CPNE5: variants seen among roughly 807,000 people sequenced by gnomAD.
CPNE5 encodes copine-5.
In CPNE5, 42 loss-of-function variants were observed where a neutral mutation model predicts 81.1. The observed-to-expected ratio is 0.52, with a 90% CI of 0.40 to 0.67. The LOEUF (loss-of-function observed/expected upper bound fraction) is 0.67, where lower values mean the gene tolerates loss of function less well. CPNE5 is among the 30% of genes least tolerant of loss of function. CPNE5 has a pLI of 0.00. For synonymous variants in CPNE5, 313 were observed against 321.5 expected (o/e 0.97, Z 0.28); for missense variants, 612 against 815.5 (o/e 0.75, Z 3.04).
chr6:36,755,953 G>T, intron 13 of CPNE5: 1 of 472,194 alleles, frequency 2.1e-6, no homozygotes. Context: ...CAGGGTAGGG[G>T]CCCAATAAAT....
In CPNE5 at chr6:36,746,418, C is replaced by G; in HGVS notation, c.1178G>C (p.Arg393Thr). ...TACCAGTGGGAACTCGTGGGACACTCTGCCATCCGGGGGCAGCTTGGCCCC... is the reference window on the plus strand; with the variant it reads ...TACCAGTGGGAACTCGTGGGACACTGTGCCATCCGGGGGCAGCTTGGCCCC... ...GFGAKLPPDG[R>T]VSHEFPLNGN... is the part of the protein sequence containing the mutation. The change falls in exon 16 of 21, where the codon AGA (arginine) becomes ACA (threonine). Residue 393 changes from arginine to threonine, a missense_variant. Arg to Thr is a moderately conservative substitution (Grantham distance 71, BLOSUM62 -1). Transcript: ENST00000244751. This position sits in a 1 kb window ranked among gnomAD's most constrained non-coding sequence, Gnocchi z 4.5. 6.2e-7 allele frequency: 1 copy of G among 1,612,746 alleles called. No homozygotes were observed. Among genetic ancestry groups the G allele is most frequent in the Non-Finnish European group, 8.5e-7 (1 of 1,179,372 alleles).
At chr6:36,802,437 T>C (rs1214715274) in intron 3 of CPNE5, among the ~76,000 whole-genome samples, 2 of 151,754 alleles carry the variant, frequency 1.3e-5, no homozygotes, top group East Asian at 1.9e-4. Flanking sequence ...GCTTGGGCAA[T>C]AGAGAGAGAC....
chr6:36,819,393 T>C (rs686399), intron 3 of CPNE5, among the ~76,000 whole-genome samples: 88,699 of 151,920 alleles, frequency 0.58, 26,708 homozygotes, highest in African/African-American at 0.72. Flanking sequence ...AGCCACGGCG[T>C]CTGGCCCCCA....
chr6:36,838,060 A>T (rs1049242437), intron 1 of CPNE5, among the ~76,000 whole-genome samples: 40 of 152,270 alleles, frequency 2.6e-4, no homozygotes, highest in African/African-American at 9.6e-4. Flanking sequence ...ACGTTCAACC[A>T]GACTAGCCTT....
At chr6:36,798,310 C>A in intron 5 of CPNE5, 69 bp from the exon 6 acceptor site, 1 of 1,530,576 alleles carries the variant, frequency 6.5e-7, no homozygotes, top group Non-Finnish European at 9.0e-7. Context: ...CCTCCCCCAT[C>A]GCCCAATTCC....
intron 7 of CPNE5, among the ~76,000 whole-genome samples, chr6:36,792,669 G>A (rs761964242): frequency 9.2e-5 from 14 of 152,262 alleles, no homozygotes; most frequent in African/African-American, 2.4e-4. Flanking sequence ...GATCCCAGCC[G>A]ACTGTGCAGC....
At chr6:36,761,383 G>A (rs926921973) in intron 12 of CPNE5, among the ~76,000 whole-genome samples, 9 of 152,232 alleles carry the variant, frequency 5.9e-5, no homozygotes, top group Middle Eastern at 3.2e-3. Context: ...CTGTGTGCCC[G>A]GCAGTGCCCT....
chr6:36,761,077 G>A (rs571148809), intron 12 of CPNE5, among the ~76,000 whole-genome samples: 4 of 152,362 alleles, frequency 2.6e-5, no homozygotes, highest in African/African-American at 4.8e-5. Context: ...CTTAGCCCGA[G>A]AGAAACAGCT....
chr6:36,834,517 G>A (rs1360571379), intron 1 of CPNE5, among the ~76,000 whole-genome samples: 6 of 151,590 alleles, frequency 4.0e-5, no homozygotes, highest in Non-Finnish European at 7.4e-5. Context: ...TCAGCCGGGC[G>A]TGATGGTGCA....
In CPNE5 at chr6:36,745,535, G is replaced by A. The variant is rs1225986955; in HGVS notation, c.1201-20C>T. On this transcript the variant is annotated intron_variant, in intron 16 of 20. Coordinates refer to ENST00000244751, the MANE Select transcript of CPNE5 (RefSeq NM_020939.2). ...GCCATTCTGGGGGACAGAGGGCAGG[G>A]AGGCTGAGCCCAGGAAGGAAGGACA... is the stretch of plus-strand genomic sequence containing the variant. 1.9e-6 allele frequency: 3 copies of A among 1,593,846 alleles called. No homozygotes were observed. The highest frequency in any genetic ancestry group is 2.6e-6 in the Non-Finnish European group (3 of 1,169,822).
chr6:36,767,170 G>A (rs1248123867), intron 10 of CPNE5, among the ~76,000 whole-genome samples: 7 of 152,164 alleles, frequency 4.6e-5, no homozygotes, highest in African/African-American at 7.2e-5. Context: ...ATAGTTTTTC[G>A]TATGAAATTT....
chr6:36,828,949 C>G (rs541627262), intron 1 of CPNE5, among the ~76,000 whole-genome samples: 18 of 152,332 alleles, frequency 1.2e-4, no homozygotes, highest in East Asian at 3.9e-4. Flanking sequence ...ACAGTCCCCC[C>G]CTCCCAGGAG....
At chr6:36,796,501 G>A (rs1004704048) in intron 6 of CPNE5, among the ~76,000 whole-genome samples, 6 of 152,212 alleles carry the variant, frequency 3.9e-5, no homozygotes, top group African/African-American at 1.4e-4. Flanking sequence ...AGCCACGGGT[G>A]GGGGTGCTGC....
At chr6:36,793,729 G>A (rs529816060) in intron 7 of CPNE5, among the ~76,000 whole-genome samples, 3 of 152,208 alleles carry the variant, frequency 2.0e-5, no homozygotes, top group Admixed American at 1.3e-4. Context: ...GAGCATCCCC[G>A]GGCCCGCCGG....
Position 36,745,406 on chromosome 6 carries a change from A to G in CPNE5, c.1310T>C (p.Val437Ala). The G allele has an allele frequency of 6.2e-7, 1 of 1,607,536 alleles. No individual in the cohort carries two copies. The highest frequency in any genetic ancestry group is 1.1e-5 in the South Asian group (1 of 89,468). The change falls in exon 17 of 21, where the codon GTG becomes GCG. Residue 437 changes from valine (V) to alanine (A), a missense_variant. Transcript: ENST00000244751. Reference protein sequence around the residue: ...QLYGPTNFAPVVTHVARNAAA... With the variant: ...QLYGPTNFAPAVTHVARNAAA... The stretch of plus-strand genomic sequence containing the variant: ...CACTCACCTGGCCACGTGGGTGACC[A>G]CGGGGGCAAAGTTGGTGGGGCCGTA...
At chr6:36,805,649 C>T (rs2150546179) in intron 3 of CPNE5, among the ~76,000 whole-genome samples, 1 of 152,106 alleles carries the variant, frequency 6.6e-6, no homozygotes, top group East Asian at 1.9e-4. Flanking sequence ...CTCCCTGGGC[C>T]CCAGGGCTGG....
chr6:36,759,028 C>T (rs2150402576), intron 12 of CPNE5, among the ~76,000 whole-genome samples: 2 of 152,294 alleles, frequency 1.3e-5, no homozygotes, highest in Admixed American at 1.3e-4. Flanking sequence ...CCTCAGTTTC[C>T]CAATCTCTCC....
chr6:36,771,958 C>A (rs916443789), intron 10 of CPNE5, among the ~76,000 whole-genome samples: 25 of 152,092 alleles, frequency 1.6e-4, no homozygotes, highest in African/African-American at 5.8e-4. Context: ...CATCCTGCAG[C>A]GAGATGAGGC....
At chr6:36,828,616 C>A (rs1405645711) in intron 1 of CPNE5, among the ~76,000 whole-genome samples, 1 of 152,176 alleles carries the variant, frequency 6.6e-6, no homozygotes, top group East Asian at 1.9e-4. Flanking sequence ...AGGTCATGGG[C>A]CCCCAATAGG....
Sources: allele counts gnomAD v4.1 joint callset (sites outside exome capture counted in the v4.1 genomes callset), GRCh38; gene constraint gnomAD v4.1.1; non-coding constraint Gnocchi (gnomAD v3.1); transcripts MANE v1.5; gene names NCBI Gene and HGNC (gene_info 2026-07-23, HGNC 2026-07-21).